The following GAPVD1 variants were observed in gnomAD, a reference collection of about 807,000 sequenced individuals.
The protein encoded by GAPVD1 is GTPase-activating protein and VPS9 domain-containing protein 1.
A neutral mutation model predicts 155.5 loss-of-function variants in GAPVD1; 35 were observed. The observed-to-expected ratio is 0.23, with a 90% CI of 0.17 to 0.30. The LOEUF is 0.30. GAPVD1 is among the 10% of genes least tolerant of loss of function. The pLI is 1.00. For missense variants in GAPVD1, 1,429 were observed against 1,775.7 expected (o/e 0.80, Z 3.51); for synonymous variants, 636 against 619.7 (o/e 1.03, Z -0.39).
intron 10 of GAPVD1, 126 bp downstream of exon 10, chr9:125,321,688 T>G: frequency 1.2e-6 from 1 of 824,282 alleles, no homozygotes; most frequent in Non-Finnish European, 1.9e-6. Flanking sequence ...AATGAAGATT[T>G]CCTCTAATGA....
chr9:125,353,444 T>C (rs1426964980), intron 23 of GAPVD1, among the ~76,000 whole-genome samples: 6 of 152,220 alleles, frequency 3.9e-5, no homozygotes, highest in African/African-American at 1.2e-4. Flanking sequence ...CCCTCCAAAC[T>C]GTTCCATCCT....
Position 125,304,334 on chromosome 9 carries a change from C to T in GAPVD1, c.1030-729C>T, listed in dbSNP as rs78663576. 4.1e-3 allele frequency among the ~76,000 whole-genome samples: 627 copies of T among 152,262 alleles called. 6 individuals carry two copies. The highest frequency in any genetic ancestry group is 0.014 in the African/African-American group (596 of 41,542). On this transcript the variant is annotated intron_variant, in intron 5 of 27. Coordinates refer to ENST00000297933, the MANE Select transcript of GAPVD1 (RefSeq NM_001282680.3). The stretch of plus-strand genomic sequence containing the variant: ...TTTTGGCCTCTCAAAGTGCTGGGAT[C>T]ATAGGCGTAAGCTACTGTGCCTGGC...
chr9:125,303,086 G>A (rs1473998737), intron 5 of GAPVD1, among the ~76,000 whole-genome samples: 2 of 152,016 alleles, frequency 1.3e-5, no homozygotes, highest in Non-Finnish European at 2.9e-5. Context: ...GTGCAGTGGC[G>A]CAATCTCAGC....
In GAPVD1 at chr9:125,354,663, C is replaced by T. The variant is rs765262472; in HGVS notation, c.3579C>T (p.Ala1193=). 6.2e-7 allele frequency: 1 copy of T among 1,608,356 alleles called. No individual in the cohort carries two copies. The highest frequency in any genetic ancestry group is 8.5e-7 in the Non-Finnish European group (1 of 1,175,142). Residue 1193 remains alanine (A), a synonymous_variant, in exon 24 of 28, where the codon GCC becomes GCT. Transcript: ENST00000297933. ...GTATTTTTCCTTTTAGAAAAAGAGC[C>T]CCATATATTGCTTATCTCACTCGTT... ...ASIAEDYRKR[A]PYIAYLTRCR...
At position 125,337,390 on chromosome 9, in the gene GAPVD1, T is replaced by C. The variant is rs145602974; in HGVS notation, c.2676T>C (p.Ser892=). 1 of 1,614,148 alleles carries C rather than the reference T, an allele frequency of 6.2e-7. No individual in the cohort carries two copies. The highest frequency in any genetic ancestry group is 2.2e-5 in the East Asian group (1 of 44,878). ...AEMEAFKQRH[S]YPERLVRSRS... ...TGGAGGCATTCAAGCAAAGGCATTC[T>C]TACCCTGAGAGACTAGTTCGAAGCA... is the stretch of plus-strand genomic sequence containing the variant. The change falls in exon 17 of 28, where the codon TCT becomes TCC. Residue 892 remains serine, a synonymous_variant. Transcript: ENST00000297933.
intron 23 of GAPVD1, among the ~76,000 whole-genome samples, chr9:125,352,262 C>T (rs949933896): frequency 3.3e-5 from 5 of 152,202 alleles, no homozygotes; most frequent in African/African-American, 1.2e-4. Context: ...GGCTCCGATC[C>T]CACATTTCCT....
At chr9:125,319,702 A>G (rs1019840831) in intron 9 of GAPVD1, among the ~76,000 whole-genome samples, 1 of 151,708 alleles carries the variant, frequency 6.6e-6, no homozygotes, top group African/African-American at 2.4e-5. Context: ...CCCGGGTTCA[A>G]GCGATTCTCC....
chr9:125,327,455 A>AT (rs1260603652), intron 12 of GAPVD1, among the ~76,000 whole-genome samples: 1 of 151,920 alleles, frequency 6.6e-6, no homozygotes. Context: ...TGTACAGATG[A>AT]TTTTGCCACC....
Position 125,265,449 on chromosome 9 carries a change from C to A in GAPVD1, c.-198-3487C>A, listed in dbSNP as rs1243602753. Among the ~76,000 whole-genome samples, 8 of 151,782 alleles carry A rather than the reference C, an allele frequency of 5.3e-5. No individual in the cohort carries two copies. The East Asian group carries it at 1.6e-3, about 30-fold the overall frequency. On this transcript the variant is annotated intron_variant, in intron 1 of 27. Transcript: ENST00000297933. ...CTTTCTGAGAGGGAGTCTTACTTGT[C>A]TCCCAGGCTGGAGTGCAGTGGTGTA...
intron 9 of GAPVD1, among the ~76,000 whole-genome samples, chr9:125,315,559 T>C (rs1843299461): frequency 6.6e-6 from 1 of 152,126 alleles, no homozygotes; most frequent in Non-Finnish European, 1.5e-5. Flanking sequence ...TCCTGAAAGA[T>C]CGTCTCAAAG....
chr9:125,315,273 CA>C (rs1440306272), intron 9 of GAPVD1, among the ~76,000 whole-genome samples: 1 of 152,144 alleles, frequency 6.6e-6, no homozygotes, highest in African/African-American at 2.4e-5. Context: ...CACACACACA[CA>C]AATAAGCTGG....
At chr9:125,338,920 T>TA (rs1177368152) in intron 17 of GAPVD1, among the ~76,000 whole-genome samples, 2 of 149,842 alleles carry the variant, frequency 1.3e-5, no homozygotes, top group South Asian at 4.3e-4. Context: ...TTCTGTCTTT[T>TA]AAAAAAATTT....
chr9:125,332,359 A>G (rs1442569486), intron 14 of GAPVD1, 151 bp from the exon 15 acceptor site: 1 of 638,966 alleles, frequency 1.6e-6, no homozygotes, highest in African/African-American at 1.8e-5. Flanking sequence ...ATATTTAAGC[A>G]GTAGTACCAT....
At chr9:125,279,209 TAAAA>T (rs200050917) in intron 2 of GAPVD1, among the ~76,000 whole-genome samples, 1 of 130,406 alleles carries the variant, frequency 7.7e-6, no homozygotes. Context: ...GACTCCATCT[TAAAA>T]AAAAAAAAAA....
At chr9:125,354,212 T>C (rs541575001) in intron 23 of GAPVD1, among the ~76,000 whole-genome samples, 1 of 152,310 alleles carries the variant, frequency 6.6e-6, no homozygotes, top group South Asian at 2.1e-4. Context: ...ATGTGACATT[T>C]AGACTATAAG....
chr9:125,362,679 A>G lies in GAPVD1; in HGVS notation c.4316A>G (p.Glu1439Gly). 1 of 1,613,544 alleles carries G rather than the reference A, an allele frequency of 6.2e-7. No individual in the cohort carries two copies. Among genetic ancestry groups the G allele is most frequent in the Non-Finnish European group, 8.5e-7 (1 of 1,179,590 alleles). ...TATGCTAGCTGTCTGTCTGGAGAGGAGTCCTATTGGTGGATGCAGTTCACA... is the reference window on the plus strand; with the variant it reads ...TATGCTAGCTGTCTGTCTGGAGAGGGGTCCTATTGGTGGATGCAGTTCACA... Reference protein sequence around the residue: ...SFYASCLSGEESYWWMQFTAA... With the variant: ...SFYASCLSGEGSYWWMQFTAA... Residue 1439 changes from glutamate to glycine, a missense_variant, in exon 28 of 28, where the codon GAG becomes GGG. Transcript: ENST00000297933.
At chr9:125,346,427 C>T in intron 19 of GAPVD1, 2 of 228,772 alleles carry the variant, frequency 8.7e-6, no homozygotes, top group African/African-American at 2.3e-5. Context: ...TTTTTTTCCT[C>T]CTTCAGCATA....
intron 23 of GAPVD1, 37 bp downstream of exon 23, chr9:125,350,909 T>A: frequency 6.7e-7 from 1 of 1,502,910 alleles, no homozygotes; most frequent in Non-Finnish European, 9.1e-7. Flanking sequence ...TAAACCTAGT[T>A]GTTAGCTGCA....
intron 19 of GAPVD1, chr9:125,345,839 A>C (rs1848442515): frequency 6.6e-6 from 1 of 152,026 alleles, no homozygotes; most frequent in South Asian, 2.1e-4. Flanking sequence ...CACACACACA[A>C]AATACGTATA....
Sources: allele counts gnomAD v4.1 joint callset (sites outside exome capture counted in the v4.1 genomes callset), GRCh38; gene constraint gnomAD v4.1.1; transcripts MANE v1.5; gene names NCBI Gene and HGNC (gene_info 2026-07-23, HGNC 2026-07-21).